Variants in BABAM2 observed in about 807,000 individuals in gnomAD.
BABAM2 encodes the protein BRISC and BRCA1-A complex member 2.
BABAM2 carries 31 observed loss-of-function variants against 54.7 expected under a neutral mutation model. The ratio of observed to expected loss-of-function variants is 0.57; its 90% CI spans 0.43 to 0.77. The LOEUF (loss-of-function observed/expected upper bound fraction) is 0.77. Among genes scored for constraint, BABAM2 ranks in the 30% least tolerant of loss-of-function variants. The pLI, the probability that BABAM2 is intolerant of heterozygous loss-of-function variation, is 0.00. For missense variants in BABAM2, 364 were observed against 455.8 expected (o/e 0.80, Z 1.83); for synonymous variants, 167 against 162.9 (o/e 1.03, Z -0.19).
At chr2:28,093,345 C>T (rs568025085) in intron 6 of BABAM2, among the ~76,000 whole-genome samples, 1 of 152,260 alleles carries the variant, frequency 6.6e-6, no homozygotes, top group South Asian at 2.1e-4. Flanking sequence ...AACTCTTGCT[C>T]AGAGTGTCAT....
rs141810082 is a variant in BABAM2, at chr2:27,936,044, A to G, written c.205+6136A>G. Among the ~76,000 whole-genome samples the G allele has an allele frequency of 2.8e-3, 422 of 152,028 alleles. 1 individual carries two copies. The highest frequency in any genetic ancestry group is 9.9e-3 in the African/African-American group (409 of 41,462). On this transcript the variant is annotated intron_variant, in intron 3 of 11. Coordinates refer to ENST00000379624, the MANE Select transcript of BABAM2 (RefSeq NM_199191.3). The stretch of plus-strand genomic sequence containing the variant: ...GGCGATTCTTCTGCCTCAGCCTCCT[A>G]AGTAGCTGGGATTACAGGTGCACAC...
chr2:27,919,950 T>G (rs1023708708), intron 2 of BABAM2, among the ~76,000 whole-genome samples: 1 of 152,158 alleles, frequency 6.6e-6, no homozygotes, highest in Non-Finnish European at 1.5e-5. Context: ...ATATTTTAAT[T>G]TTGTAATTTT....
intron 11 of BABAM2, among the ~76,000 whole-genome samples, chr2:28,312,711 G>A (rs967768097): frequency 6.6e-6 from 1 of 152,030 alleles, no homozygotes; most frequent in Non-Finnish European, 1.5e-5. Flanking sequence ...GAAGTTAAGT[G>A]TGACAGTGGG....
At chr2:28,184,154 G>C (rs536287292) in intron 7 of BABAM2, among the ~76,000 whole-genome samples, 2 of 151,860 alleles carry the variant, frequency 1.3e-5, no homozygotes, top group African/African-American at 4.8e-5. Context: ...ACAGATCCAG[G>C]ACCATTGTGG....
intron 3 of BABAM2, among the ~76,000 whole-genome samples, chr2:27,949,160 T>C (rs764570257): frequency 2.6e-5 from 4 of 152,188 alleles, no homozygotes; most frequent in Non-Finnish European, 5.9e-5. Context: ...GGCGAGTACA[T>C]TGAACTCAAA....
intron 6 of BABAM2, among the ~76,000 whole-genome samples, chr2:28,058,405 T>C (rs545123929): frequency 2.6e-4 from 40 of 152,088 alleles, no homozygotes; most frequent in African/African-American, 8.9e-4. Flanking sequence ...AGAAACATAA[T>C]ATAAAATGAT....
intron 6 of BABAM2, among the ~76,000 whole-genome samples, chr2:28,051,689 C>T (rs889528856): frequency 6.6e-6 from 1 of 151,894 alleles, no homozygotes; most frequent in Non-Finnish European, 1.5e-5. Flanking sequence ...GCTCTTGTCG[C>T]CCAGGCTGGA....
intron 6 of BABAM2, among the ~76,000 whole-genome samples, chr2:28,105,405 C>T (rs1667435650): frequency 6.6e-6 from 1 of 152,160 alleles, no homozygotes; most frequent in African/African-American, 2.4e-5. Flanking sequence ...TCTCTGAGAA[C>T]TTGCCTCATT....
At chr2:28,203,903 G>C (rs1019134861) in intron 7 of BABAM2, among the ~76,000 whole-genome samples, 1 of 152,144 alleles carries the variant, frequency 6.6e-6, no homozygotes, top group South Asian at 2.1e-4. Flanking sequence ...GGCTGCGCCA[G>C]TTTAGAATCC....
chr2:27,976,184 G>T (rs1234659249), intron 3 of BABAM2, among the ~76,000 whole-genome samples: 1 of 152,066 alleles, frequency 6.6e-6, no homozygotes, highest in Non-Finnish European at 1.5e-5. Context: ...TTCATCATAT[G>T]ACCTAGCAAT....
intron 9 of BABAM2, 82 bp downstream of exon 9, chr2:28,241,475 A>G: frequency 7.5e-7 from 1 of 1,334,898 alleles, no homozygotes; most frequent in South Asian, 1.2e-5. Context: ...GATTAAGAAA[A>G]TAGCACTTAG....
At chr2:27,931,703 A>C (rs1193562799) in intron 3 of BABAM2, among the ~76,000 whole-genome samples, 1 of 152,168 alleles carries the variant, frequency 6.6e-6, no homozygotes, top group East Asian at 1.9e-4. Context: ...TACCTGGTAC[A>C]CAGTTAGCTT....
At chr2:28,002,741 A>G (rs1673664525) in intron 4 of BABAM2, among the ~76,000 whole-genome samples, 1 of 152,204 alleles carries the variant, frequency 6.6e-6, no homozygotes, top group South Asian at 2.1e-4. Flanking sequence ...GAAAGAGAGA[A>G]TACAGTTTAG....
At chr2:28,042,909 A>G (rs1337223868) in intron 5 of BABAM2, among the ~76,000 whole-genome samples, 1 of 151,796 alleles carries the variant, frequency 6.6e-6, no homozygotes, top group Non-Finnish European at 1.5e-5. Flanking sequence ...CTGTAGTCCC[A>G]GCTACTCGGG....
intron 7 of BABAM2, among the ~76,000 whole-genome samples, chr2:28,155,641 G>T (rs1191408080): frequency 6.6e-6 from 1 of 152,134 alleles, no homozygotes; most frequent in African/African-American, 2.4e-5. Flanking sequence ...ACTATTTATT[G>T]GGAATCTAAA....
intron 7 of BABAM2, among the ~76,000 whole-genome samples, chr2:28,218,533 G>A (rs184988244): frequency 7.2e-5 from 11 of 151,992 alleles, no homozygotes; most frequent in Admixed American, 2.6e-4. Context: ...CCTCATAATC[G>A]GATTTATATG....
At chr2:27,938,909 C>T (rs1433901652) in intron 3 of BABAM2, among the ~76,000 whole-genome samples, 1 of 152,092 alleles carries the variant, frequency 6.6e-6, no homozygotes, top group Non-Finnish European at 1.5e-5. Flanking sequence ...TAAAGTTTCT[C>T]ATTAAATCTC....
At chr2:28,260,092 G>T (rs1004537419) in intron 10 of BABAM2, among the ~76,000 whole-genome samples, 1 of 151,692 alleles carries the variant, frequency 6.6e-6, no homozygotes, top group Middle Eastern at 3.4e-3. Context: ...GTAGAGACGG[G>T]GTTTCACCAT....
intron 7 of BABAM2, among the ~76,000 whole-genome samples, chr2:28,231,494 C>T (rs1681380970): frequency 6.6e-6 from 1 of 152,198 alleles, no homozygotes; most frequent in South Asian, 2.1e-4. Context: ...AGTCTGCAGG[C>T]TGCTTGTTTC....
Sources: allele counts gnomAD v4.1 joint callset (sites outside exome capture counted in the v4.1 genomes callset), GRCh38; gene constraint gnomAD v4.1.1; transcripts MANE v1.5; gene names NCBI Gene and HGNC (gene_info 2026-07-23, HGNC 2026-07-21).